The following UBA6 variants were observed in gnomAD, a reference collection of about 807,000 sequenced individuals.
UBA6 encodes ubiquitin-like modifier-activating enzyme 6.
A neutral mutation model predicts 148.3 loss-of-function variants in UBA6; 87 were observed. The ratio of observed to expected loss-of-function variants is 0.59; its 90% CI spans 0.49 to 0.70. The LOEUF (loss-of-function observed/expected upper bound fraction) is 0.70. Among genes scored for constraint, UBA6 ranks in the 30% least tolerant of loss-of-function variants. The probability of loss-of-function intolerance (pLI) is 0.00; values close to 1 mark genes in which losing one functional copy is unlikely to be tolerated. For synonymous variants in UBA6, 376 were observed against 401.0 expected, an observed-to-expected ratio of 0.94 and a Z score of 0.75; for missense variants, 1,186 against 1,241.2, an observed-to-expected ratio of 0.96 and a Z score of 0.67.
intron 9 of UBA6, among the ~76,000 whole-genome samples, chr4:67,666,161 C>T (rs1487714708): frequency 1.3e-5 from 2 of 152,054 alleles, no homozygotes; most frequent in Non-Finnish European, 2.9e-5. Flanking sequence ...CACTGTACTC[C>T]AGCCTGGATA....
At chr4:67,636,591 G>A (rs1175733158) in intron 19 of UBA6, among the ~76,000 whole-genome samples, 4 of 152,224 alleles carry the variant, frequency 2.6e-5, no homozygotes, top group Admixed American at 2.0e-4. Flanking sequence ...ACGGGGTTTT[G>A]CAGTGTTGGC....
chr4:67,664,653 A>C (rs754359714), intron 10 of UBA6, among the ~76,000 whole-genome samples: 2 of 152,096 alleles, frequency 1.3e-5, no homozygotes, highest in Non-Finnish European at 2.9e-5. Flanking sequence ...TCAGCTATTT[A>C]CATTTTGCTT....
chr4:67,633,199 G>C, intron 23 of UBA6, 146 bp downstream of exon 23: 1 of 597,868 alleles, frequency 1.7e-6, no homozygotes, highest in South Asian at 3.7e-5. Context: ...TTTTAGATTA[G>C]CATGTGTTCT....
intron 16 of UBA6, among the ~76,000 whole-genome samples, chr4:67,645,598 G>A (rs12498800): frequency 0.4 from 57,362 of 143,536 alleles, 10,950 homozygotes; most frequent in Middle Eastern, 0.55. Context: ...CTTTGTCTCA[G>A]AAAAAAAAAA....
At chr4:67,651,778 CTACATATA>C (rs1344621647) in intron 13 of UBA6, among the ~76,000 whole-genome samples, 7 of 151,808 alleles carry the variant, frequency 4.6e-5, no homozygotes, top group Admixed American at 4.6e-4. Context: ...AGAAATAGAC[CTACATATA>C]TATGGTTAAA....
At chr4:67,689,346 T>C (rs1380337830) in intron 2 of UBA6, among the ~76,000 whole-genome samples, 2 of 152,142 alleles carry the variant, frequency 1.3e-5, no homozygotes, top group African/African-American at 4.8e-5. Context: ...AGTATACAAG[T>C]ATCTAGGAGG....
chr4:67,683,595 C>T (rs1247171586), intron 2 of UBA6, among the ~76,000 whole-genome samples: 2 of 149,222 alleles, frequency 1.3e-5, no homozygotes, highest in African/African-American at 2.5e-5. Context: ...TTTAGTTCAT[C>T]AGCTATCATT....
At chr4:67,625,211 A>G (rs1381879488) in intron 28 of UBA6, 24 bp from the exon 29 acceptor site, 1 of 1,557,444 alleles carries the variant, frequency 6.4e-7, no homozygotes. Flanking sequence ...CCAGATAAAC[A>G]AAGTTCCACA....
chr4:67,669,248 A>T (rs1356934801), intron 8 of UBA6, among the ~76,000 whole-genome samples: 1 of 152,176 alleles, frequency 6.6e-6, no homozygotes, highest in Non-Finnish European at 1.5e-5. Context: ...TCAGGGACAA[A>T]CTAAAATCAA....
At chr4:67,636,853 A>G (rs1173553749) in intron 19 of UBA6, among the ~76,000 whole-genome samples, 2 of 134,962 alleles carry the variant, frequency 1.5e-5, no homozygotes, top group African/African-American at 5.7e-5. Flanking sequence ...CTGGCCGCCC[A>G]TCGTCTGGGA....
intron 11 of UBA6, 70 bp from the exon 12 acceptor site, chr4:67,663,285 C>T (rs1729909852): frequency 1.1e-6 from 1 of 948,976 alleles, no homozygotes; most frequent in South Asian, 1.5e-5. Context: ...GGGCTAAATA[C>T]TTTTAAAACA....
chr4:67,679,664 T>G (rs950793239), intron 4 of UBA6, among the ~76,000 whole-genome samples: 1 of 152,090 alleles, frequency 6.6e-6, no homozygotes, highest in Admixed American at 6.6e-5. Context: ...ATATATAGGA[T>G]AAAGCACGTA....
At chr4:67,649,268 A>C (rs1337610060) in intron 13 of UBA6, 57 bp from the exon 14 acceptor site, 5 of 1,460,974 alleles carry the variant, frequency 3.4e-6, no homozygotes, top group Non-Finnish European at 1.8e-6. Context: ...AGTACACTTA[A>C]AATTCCAATG....
intron 6 of UBA6, among the ~76,000 whole-genome samples, chr4:67,674,659 CA>C (rs1730234393): frequency 6.6e-6 from 1 of 152,048 alleles, no homozygotes; most frequent in Non-Finnish European, 1.5e-5. Flanking sequence ...GGATAGTTTG[CA>C]AATAATAAAA....
intron 13 of UBA6, among the ~76,000 whole-genome samples, chr4:67,658,935 T>G (rs1375692783): frequency 6.6e-6 from 1 of 152,204 alleles, no homozygotes; most frequent in Non-Finnish European, 1.5e-5. Flanking sequence ...GTGGACCCAT[T>G]ACTGTACACT....
At chr4:67,647,423 G>A (rs985247626) in intron 14 of UBA6, among the ~76,000 whole-genome samples, 15 of 152,118 alleles carry the variant, frequency 9.9e-5, no homozygotes, top group Non-Finnish European at 4.4e-5. Context: ...TGGTATTACA[G>A]GCATGAGCCA....
intron 2 of UBA6, among the ~76,000 whole-genome samples, chr4:67,689,030 A>T (rs2109956678): frequency 6.6e-6 from 1 of 152,246 alleles, no homozygotes; most frequent in East Asian, 1.9e-4. Flanking sequence ...AATGGTGCAG[A>T]AGTGACACAC....
intron 1 of UBA6, among the ~76,000 whole-genome samples, chr4:67,698,894 A>C (rs1389656670): frequency 1.3e-5 from 2 of 152,096 alleles, no homozygotes; most frequent in African/African-American, 4.8e-5. Context: ...CGGGAGGAGG[A>C]GGCTGCAGTG....
chr4:67,642,219 T>C (rs1560484093), intron 17 of UBA6, among the ~76,000 whole-genome samples: 1 of 152,130 alleles, frequency 6.6e-6, no homozygotes, highest in Non-Finnish European at 1.5e-5. Context: ...CCAAGTTTTC[T>C]TGATTCCTAC....
Sources: gnomAD v4.1 joint callset for allele counts (sites outside exome capture counted in the v4.1 genomes callset) on GRCh38, gnomAD v4.1.1 for gene constraint, MANE v1.5 for transcripts, NCBI Gene and HGNC (gene_info 2026-07-23, HGNC 2026-07-21) for gene names.